ZC3H12B: variants seen among roughly 807,000 people sequenced by gnomAD.
ZC3H12B encodes the protein zinc finger CCCH-type containing 12B, also known as probable ribonuclease ZC3H12B.
ZC3H12B carries 7 observed loss-of-function variants against 43.9 expected under a neutral mutation model. That is an observed-to-expected ratio of 0.16 (90% CI 0.09 to 0.30). ZC3H12B has a LOEUF of 0.30. Among genes scored for constraint, ZC3H12B ranks in the 10% least tolerant of loss-of-function variants. The pLI is 1.00. For synonymous variants in ZC3H12B, 222 were observed against 241.7 expected (o/e 0.92, Z 0.76); for missense variants, 475 against 670.2 (o/e 0.71, Z 3.22).
chrX:65,315,336 G>T, the ZC3H12B span, among the ~76,000 whole-genome samples: 1 of 111,908 alleles, frequency 8.9e-6, no homozygotes, highest in Non-Finnish European at 1.9e-5. Context: ...CAGCACAGAA[G>T]AATGGGAGAA....
chrX:65,061,483 A>G, the ZC3H12B span, among the ~76,000 whole-genome samples: 1 of 112,471 alleles, frequency 8.9e-6, no homozygotes, highest in Non-Finnish European at 1.9e-5. Flanking sequence ...ATGTTTCTGC[A>G]AAGGACATGA....
chrX:65,340,418 A>G, the ZC3H12B span, among the ~76,000 whole-genome samples: 1 of 112,097 alleles, frequency 8.9e-6, no homozygotes. Flanking sequence ...TCCTGCTGCC[A>G]CTACCCTATG....
chrX:65,439,858 C>G (rs191595474), intron 3 of ZC3H12B, among the ~76,000 whole-genome samples: 1 of 110,280 alleles, frequency 9.1e-6, no homozygotes, highest in African/African-American at 3.3e-5. Context: ...CAGTGTCAGT[C>G]TCAACATGGC....
chrX:65,052,936 C>A, the ZC3H12B span, among the ~76,000 whole-genome samples: 1 of 111,725 alleles, frequency 9.0e-6, no homozygotes, highest in Non-Finnish European at 1.9e-5. Flanking sequence ...TCCTCACCAG[C>A]ATTTGTTATT....
At chrX:65,158,010 A>C in the ZC3H12B span, among the ~76,000 whole-genome samples, 5 of 100,174 alleles carry the variant, frequency 5.0e-5, no homozygotes, top group Non-Finnish European at 1.0e-4. Context: ...CCTATGAGTG[A>C]GAACATGCTG....
At chrX:65,250,533 A>T in the ZC3H12B span, among the ~76,000 whole-genome samples, 2 of 112,009 alleles carry the variant, frequency 1.8e-5, no homozygotes, top group African/African-American at 6.5e-5. Context: ...CAATGGCTGA[A>T]CTAGTTTACA....
At chrX:65,341,484 G>A in the ZC3H12B span, among the ~76,000 whole-genome samples, 428 of 111,611 alleles carry the variant, frequency 3.8e-3, 6 homozygotes, top group East Asian at 0.06. Context: ...CCGACAAAGA[G>A]AAGCCTATCA....
At chrX:65,152,502 A>C in the ZC3H12B span, among the ~76,000 whole-genome samples, 1 of 111,459 alleles carries the variant, frequency 9.0e-6, no homozygotes, top group Non-Finnish European at 1.9e-5. Flanking sequence ...GAAGAGAATA[A>C]AATATCTAGG....
intron 4 of ZC3H12B, among the ~76,000 whole-genome samples, chrX:65,501,239 CTTTTTTTTTTT>C (rs770490342): frequency 1.6e-5 from 1 of 63,355 alleles, no homozygotes; most frequent in Non-Finnish European, 2.7e-5. Context: ...TCAGCTTTAG[CTTTTTTTTTTT>C]TTTTTTTTTT....
intron 3 of ZC3H12B, among the ~76,000 whole-genome samples, chrX:65,409,654 A>T (rs1412594746): frequency 3.6e-5 from 4 of 110,896 alleles, no homozygotes. Context: ...ATACAAAAAA[A>T]ATCAATTGCA....
the ZC3H12B span, among the ~76,000 whole-genome samples, chrX:65,293,874 A>C: frequency 8.9e-6 from 1 of 111,915 alleles, no homozygotes; most frequent in East Asian, 2.8e-4. Flanking sequence ...GACCAAACCT[A>C]AGAATAATTG....
Position 65,374,008 on chromosome X carries a change from TA to T in ZC3H12B, n.295+5012del, listed in dbSNP as rs1174587316. Among the ~76,000 whole-genome samples, 150 of 26,121 alleles carry T rather than the reference TA, an allele frequency of 5.7e-3. 1 individual carries two copies. Among genetic ancestry groups the T allele is most frequent in the South Asian group, 0.017 (8 of 474 alleles). 22.7% of individuals were successfully genotyped at this position (26,121 alleles called of 115,157 possible). A position where few individuals can be genotyped will look rare whatever the true frequency, so the allele number is the denominator to read the frequency against. ...ACTATATATATATAGTATATATATA[TA>T]ACTATATATACAGTATATATATAAC... is the stretch of plus-strand genomic sequence containing the variant. On this transcript the variant is annotated intron_variant and non_coding_transcript_variant, in intron 2 of 5. Transcript: ENST00000617377.
the ZC3H12B span, among the ~76,000 whole-genome samples, chrX:65,298,550 A>G: frequency 9.0e-6 from 1 of 111,351 alleles, no homozygotes; most frequent in Non-Finnish European, 1.9e-5. Flanking sequence ...GAGGTTCCTC[A>G]ATATGTTAAA....
the ZC3H12B span, among the ~76,000 whole-genome samples, chrX:65,331,929 CTT>C: frequency 9.0e-6 from 1 of 111,288 alleles, no homozygotes; most frequent in African/African-American, 3.3e-5. Flanking sequence ...AGAGGTCACT[CTT>C]GTTGCCGTCT....
chrX:65,467,409 A>T (rs2067839534), intron 3 of ZC3H12B, among the ~76,000 whole-genome samples: 1 of 111,628 alleles, frequency 9.0e-6, no homozygotes, highest in Non-Finnish European at 1.9e-5. Flanking sequence ...GCTGTGATAA[A>T]CATACATGTG....
chrX:65,249,912 G>C, the ZC3H12B span, among the ~76,000 whole-genome samples: 2 of 104,299 alleles, frequency 1.9e-5, no homozygotes, highest in Admixed American at 2.2e-4. Context: ...ACATTAGTCT[G>C]ATCTTTGTAT....
chrX:65,104,401 A>G, the ZC3H12B span, among the ~76,000 whole-genome samples: 1 of 112,255 alleles, frequency 8.9e-6, no homozygotes, highest in South Asian at 3.7e-4. Context: ...ACAAAAGCCA[A>G]AATTGACAAA....
chrX:65,104,867 C>T, the ZC3H12B span, among the ~76,000 whole-genome samples: 3 of 111,153 alleles, frequency 2.7e-5, no homozygotes, highest in Admixed American at 2.9e-4. Flanking sequence ...GGATCTAGAA[C>T]CGGAAATACC....
At chrX:65,347,156 C>T in the ZC3H12B span, among the ~76,000 whole-genome samples, 1 of 111,757 alleles carries the variant, frequency 8.9e-6, no homozygotes, top group African/African-American at 3.3e-5. Context: ...GATACCCACG[C>T]AAACAGGGTC....
Sources: gnomAD v4.1 joint callset for allele counts (sites outside exome capture counted in the v4.1 genomes callset) on GRCh38, gnomAD v4.1.1 for gene constraint, MANE v1.5 for transcripts, NCBI Gene and HGNC (gene_info 2026-07-23, HGNC 2026-07-21) for gene names.